ADGB: variants seen among roughly 807,000 people sequenced by gnomAD.
ADGB encodes the protein androglobin, also known as calpain-7-like protein.
Under a neutral mutation model 210.5 loss-of-function variants are expected in ADGB, and 172 were observed. The observed-to-expected ratio is 0.82, with a 90% CI of 0.72 to 0.93. The LOEUF (loss-of-function observed/expected upper bound fraction) is 0.93. ADGB is among the 40% of genes least tolerant of loss of function. The pLI, the probability that ADGB is intolerant of heterozygous loss-of-function variation, is 0.00. For missense variants in ADGB, 2,025 were observed against 1,964.8 expected, an observed-to-expected ratio of 1.03 and a Z score of -0.58; for synonymous variants, 658 against 662.7, an observed-to-expected ratio of 0.99 and a Z score of 0.11.
intron 21 of ADGB, among the ~76,000 whole-genome samples, chr6:146,733,536 T>C (rs907642183): frequency 1.3e-5 from 2 of 152,168 alleles, no homozygotes; most frequent in Non-Finnish European, 2.9e-5. Context: ...TCTATATGGT[T>C]TGATTTGAAG....
chr6:146,795,868 G>C (rs1778033209), intron 33 of ADGB, among the ~76,000 whole-genome samples: 2 of 152,088 alleles, frequency 1.3e-5, no homozygotes, highest in African/African-American at 4.8e-5. Context: ...TGACAGATGG[G>C]ATAAAGAAAA....
At chr6:146,680,894 A>T (rs1442045197) in intron 9 of ADGB, among the ~76,000 whole-genome samples, 1 of 152,148 alleles carries the variant, frequency 6.6e-6, no homozygotes, top group Admixed American at 6.6e-5. Flanking sequence ...GAAGAGAGCC[A>T]TGCTCCTCCC....
At chr6:146,687,401 C>T (rs144951722) in intron 10 of ADGB, among the ~76,000 whole-genome samples, 1 of 151,940 alleles carries the variant, frequency 6.6e-6, no homozygotes, top group Non-Finnish European at 1.5e-5. Context: ...CAGCAATGCC[C>T]CATCAATGAT....
chr6:146,669,824 C>T (rs79663182), intron 7 of ADGB, among the ~76,000 whole-genome samples: 3,584 of 152,156 alleles, frequency 0.024, 46 homozygotes, highest in Middle Eastern at 0.034. Flanking sequence ...GCCTAAGTTA[C>T]GTAGCTATGT....
chr6:146,692,227 C>G (rs1776339859), intron 11 of ADGB, among the ~76,000 whole-genome samples: 1 of 152,038 alleles, frequency 6.6e-6, no homozygotes, highest in South Asian at 2.1e-4. Context: ...ATAATCACCC[C>G]TAATGTTTAA....
chr6:146,666,326 C>G (rs11965089), intron 6 of ADGB, among the ~76,000 whole-genome samples: 8 of 152,010 alleles, frequency 5.3e-5, no homozygotes, highest in Admixed American at 5.3e-4. Flanking sequence ...CTCTTCTGTA[C>G]AGGACAGAAC....
At chr6:146,629,862 A>T (rs945142067) in intron 1 of ADGB, among the ~76,000 whole-genome samples, 1 of 152,198 alleles carries the variant, frequency 6.6e-6, no homozygotes, top group Non-Finnish European at 1.5e-5. Flanking sequence ...TTAACAATGT[A>T]TAAATTTTCA....
chr6:146,618,570 CA>C lies in ADGB; in HGVS notation c.75-16803del, dbSNP rs1327589406. Among the ~76,000 whole-genome samples, 7 of 152,002 alleles carry C rather than the reference CA, an allele frequency of 4.6e-5. No individual in the cohort carries two copies. In the East Asian group the frequency reaches 1.4e-3, roughly 29 times the overall value. On this transcript the variant is annotated intron_variant, in intron 1 of 35. Transcript: ENST00000397944. ...CTTGTGTTTCCATGTTTATTTGTCT[CA>C]ATAAATTTTTAAATTTCCTTTTTAA...
intron 1 of ADGB, among the ~76,000 whole-genome samples, chr6:146,620,981 T>C (rs570140358): frequency 6.6e-6 from 1 of 152,256 alleles, no homozygotes; most frequent in South Asian, 2.1e-4. Context: ...TGCTCTACTG[T>C]TGCTTTCCAT....
intron 13 of ADGB, among the ~76,000 whole-genome samples, chr6:146,703,128 G>T (rs185414317): frequency 6.6e-6 from 1 of 151,702 alleles, no homozygotes; most frequent in Non-Finnish European, 1.5e-5. Context: ...TTCCATTTGG[G>T]TTGTATGTTC....
intron 18 of ADGB, 47 bp from the exon 19 acceptor site, chr6:146,726,036 A>G: frequency 7.8e-7 from 1 of 1,280,608 alleles, no homozygotes; most frequent in East Asian, 2.6e-5. Flanking sequence ...GTCAAATGCC[A>G]CCACCCAGGA....
chr6:146,690,835 G>C (rs1776294901), intron 10 of ADGB, among the ~76,000 whole-genome samples: 1 of 152,148 alleles, frequency 6.6e-6, no homozygotes. Context: ...GGTGTGCTAA[G>C]ATTTTGTGCA....
intron 3 of ADGB, among the ~76,000 whole-genome samples, chr6:146,653,173 T>G (rs1307214636): frequency 1.4e-4 from 21 of 152,002 alleles, no homozygotes; most frequent in Admixed American, 1.4e-3. Context: ...GATCTGTCAC[T>G]GTCTCCAGTC....
chr6:146,683,506 T>C (rs1018354086), intron 9 of ADGB, among the ~76,000 whole-genome samples: 21 of 152,134 alleles, frequency 1.4e-4, no homozygotes, highest in African/African-American at 5.1e-4. Context: ...TATTTAAAAC[T>C]TCACCCTTAA....
At chr6:146,733,545 A>G (rs921264551) in intron 21 of ADGB, among the ~76,000 whole-genome samples, 1 of 152,196 alleles carries the variant, frequency 6.6e-6, no homozygotes, top group African/African-American at 2.4e-5. Context: ...TTTGATTTGA[A>G]GAATTCTGGC....
In ADGB at chr6:146,635,396, T is replaced by A. The variant is rs1199161211; in HGVS notation, c.96T>A (p.Asn32Lys). Residue 32 changes from asparagine (N) to lysine (K), a missense_variant, in exon 2 of 36, where the codon AAT (asparagine) becomes AAA (lysine). Asn to Lys is a moderately conservative substitution (Grantham distance 94). Coordinates refer to ENST00000397944, the MANE Select transcript of ADGB (RefSeq NM_024694.4). ...CTAGTTTCTATCCTTTTGGCAGTAA[T>A]GTACAATCTGGTTCTACTGAACAAA... Reference protein sequence around the residue: ...KSKDFYPFGSNVQSGSTEQKK... With the variant: ...KSKDFYPFGSKVQSGSTEQKK... 6.5e-7 allele frequency: 1 copy of A among 1,534,332 alleles called. No homozygotes were observed. Among genetic ancestry groups the A allele is most frequent in the Non-Finnish European group, 8.8e-7 (1 of 1,138,966 alleles).
At chr6:146,663,393 T>A (rs1562268292) in intron 5 of ADGB, among the ~76,000 whole-genome samples, 1 of 151,586 alleles carries the variant, frequency 6.6e-6, no homozygotes, top group Non-Finnish European at 1.5e-5. Flanking sequence ...TGCTCCCTGG[T>A]TCATAAATGG....
At chr6:146,676,932 TG>T (rs1776093984) in intron 9 of ADGB, among the ~76,000 whole-genome samples, 1 of 152,182 alleles carries the variant, frequency 6.6e-6, no homozygotes, top group African/African-American at 2.4e-5. Flanking sequence ...CACACTTTTT[TG>T]TGTATCGCAT....
Position 146,706,572 on chromosome 6 carries a change from T to C in ADGB, c.1707+5502T>C, listed in dbSNP as rs767910003. Among the ~76,000 whole-genome samples the C allele has an allele frequency of 3.9e-5, 6 of 152,280 alleles. No homozygotes were observed. The South Asian group carries it at 1.2e-3, about 32-fold the overall frequency. ...AGTTTTTATTACTAATGTAATCCCC[T>C]TGCTCATGGTGTTCTGTTCAGATTT... On this transcript the variant is annotated intron_variant, in intron 13 of 35. Transcript: ENST00000397944.
Sources: gnomAD v4.1 joint callset for allele counts (sites outside exome capture counted in the v4.1 genomes callset) on GRCh38, gnomAD v4.1.1 for gene constraint, MANE v1.5 for transcripts, NCBI Gene and HGNC (gene_info 2026-07-23, HGNC 2026-07-21) for gene names.